The following ERMARD variants were observed in gnomAD, a reference collection of about 807,000 sequenced individuals.
ERMARD encodes ER membrane associated RNA degradation.
ERMARD carries 71 observed loss-of-function variants against 83.9 expected under a neutral mutation model. That is an observed-to-expected ratio of 0.85 (90% CI 0.70 to 1.03). The LOEUF is 1.03. Among genes scored for constraint, ERMARD ranks in the 50% least tolerant of loss-of-function variants. ERMARD has a pLI of 0.00. For missense variants in ERMARD, 838 were observed against 810.9 expected, an observed-to-expected ratio of 1.03 and a Z score of -0.41; for synonymous variants, 284 against 298.6, an observed-to-expected ratio of 0.95 and a Z score of 0.50.
intron 11 of ERMARD, among the ~76,000 whole-genome samples, chr6:169,769,329 C>G (rs749051758): frequency 3.3e-5 from 5 of 152,158 alleles, no homozygotes; most frequent in Non-Finnish European, 7.4e-5. Flanking sequence ...GATGAGGCTC[C>G]AGTACCACCT....
rs1388230310 is a variant in ERMARD, at chr6:169,759,002, G to A, written c.542G>A (p.Cys181Tyr). Residue 181 changes from cysteine (C) to tyrosine (Y), a missense_variant, in exon 6 of 18, where the codon TGT (cysteine) becomes TAT (tyrosine). Cys to Tyr is a radical substitution (Grantham distance 194). Coordinates refer to ENST00000366773, the MANE Select transcript of ERMARD (RefSeq NM_018341.3). ...CTAAAAGTCTTCGTTGGCTCTCCGT[G>A]TGGTCTCAACCTGCGTAACGTCTTA... ...NVLKVFVGSP[C>Y]GLNLRNVLWH... is the part of the protein sequence containing the mutation. The A allele has an allele frequency of 6.2e-7, 1 of 1,614,032 alleles. No homozygotes were observed. Among genetic ancestry groups the A allele is most frequent in the South Asian group, 1.1e-5 (1 of 91,026 alleles).
intron 5 of ERMARD, 102 bp downstream of exon 5, chr6:169,756,910 T>TA (rs1790886871): frequency 2.8e-6 from 3 of 1,072,952 alleles, no homozygotes; most frequent in South Asian, 1.4e-5. Context: ...TAATTGGACT[T>TA]ACGGTTTCAC....
In ERMARD at chr6:169,772,503, C is replaced by T. The variant is rs148019599; in HGVS notation, c.1234-816C>T. On this transcript the variant is annotated intron_variant, in intron 12 of 17. Coordinates refer to ENST00000366773, the MANE Select transcript of ERMARD (RefSeq NM_018341.3). The stretch of plus-strand genomic sequence containing the variant: ...GTAGTGGGCCAGGCACAGTGGCTCA[C>T]GCCTGTAATCCCAGCACTTTGGGAG... Among the ~76,000 whole-genome samples the T allele has an allele frequency of 5.9e-3, 897 of 152,166 alleles. 9 individuals are homozygous for T. The highest frequency in any genetic ancestry group is 0.02 in the African/African-American group (832 of 41,532).
At chr6:169,773,831 A>G (rs1316532728) in intron 13 of ERMARD, among the ~76,000 whole-genome samples, 3 of 152,224 alleles carry the variant, frequency 2.0e-5, no homozygotes, top group Admixed American at 2.0e-4. Context: ...TTCTGCCAGG[A>G]GGCTCCAATT....
intron 4 of ERMARD, 125 bp from the exon 5 acceptor site, chr6:169,756,594 A>G: frequency 2.1e-6 from 2 of 963,236 alleles, no homozygotes; most frequent in Non-Finnish European, 3.1e-6. Context: ...TGATTATGAA[A>G]TCAAAGGATT....
intron 12 of ERMARD, chr6:169,772,111 G>A (rs1454480055): frequency 6.6e-6 from 1 of 152,390 alleles, no homozygotes; most frequent in Non-Finnish European, 1.5e-5. Context: ...GCCCCTCCCT[G>A]GAGTGTTGCT....
Position 169,753,050 on chromosome 6 carries a change from G to A in ERMARD, c.7-814G>A, listed in dbSNP as rs530280065. 3.9e-5 allele frequency: 6 copies of A among 152,364 alleles called. No homozygotes were observed. In the East Asian group the frequency reaches 1.2e-3, roughly 29 times the overall value. 9.4% of individuals were successfully genotyped at this position (152,364 alleles called of 1,614,324 possible). A position where few individuals can be genotyped will look rare whatever the true frequency, so the allele number is the denominator to read the frequency against. On this transcript the variant is annotated intron_variant, in intron 1 of 17. Transcript: ENST00000366773. ...ATCTTCAACAAAGAACTGTAGATTT[G>A]CAGAGAAGTGACAGGACACAGGAGA...
At chr6:169,761,741 G>C (rs1791585748) in intron 8 of ERMARD, among the ~76,000 whole-genome samples, 1 of 152,036 alleles carries the variant, frequency 6.6e-6, no homozygotes, top group Non-Finnish European at 1.5e-5. Context: ...GGAGTGCAGT[G>C]GTGTGATCTC....
chr6:169,751,528 C>G (rs1047405047), upstream of ERMARD: 8 of 1,610,422 alleles, frequency 5.0e-6, no homozygotes, highest in East Asian at 1.8e-4. Flanking sequence ...TAGCCAGTCC[C>G]GCGAGGGCGG....
chr6:169,766,769 T>G, intron 10 of ERMARD, 102 bp downstream of exon 10: 1 of 1,256,242 alleles, frequency 8.0e-7, no homozygotes, highest in Non-Finnish European at 1.1e-6. Context: ...ATAAATCATA[T>G]ACTTACAGGA....
Position 169,775,260 on chromosome 6 carries a change from T to G in ERMARD, c.1318-10T>G. On this transcript the variant is annotated splice_polypyrimidine_tract_variant and intron_variant, in intron 13 of 17. Transcript: ENST00000366773. ...GAAATCTACAAAAGCAATAAAACAT[T>G]TCCTCCCAGGTGCTGAGCTGTGAGG... is the stretch of plus-strand genomic sequence containing the variant. 6.2e-7 allele frequency: 1 copy of G among 1,613,322 alleles called. No homozygotes were observed. Among genetic ancestry groups the G allele is most frequent in the Non-Finnish European group, 8.5e-7 (1 of 1,179,700 alleles).
At chr6:169,766,756 G>A (rs1332889614) in intron 10 of ERMARD, 89 bp downstream of exon 10, 2 of 1,347,002 alleles carry the variant, frequency 1.5e-6, no homozygotes, top group Non-Finnish European at 2.0e-6. Flanking sequence ...TTAAAGATCA[G>A]CCATAAATCA....
intron 5 of ERMARD, 108 bp from the exon 6 acceptor site, chr6:169,758,860 A>G: frequency 2.0e-6 from 2 of 1,004,842 alleles, no homozygotes; most frequent in Non-Finnish European, 3.0e-6. Context: ...TATACTAGCC[A>G]AAACTGTTGA....
chr6:169,760,810 CT>C, intron 8 of ERMARD, 54 bp downstream of exon 8: 3 of 1,201,326 alleles, frequency 2.5e-6, no homozygotes, highest in Non-Finnish European at 3.6e-6. Flanking sequence ...GCCATTCTTT[CT>C]TGATGCCCTT....
chr6:169,766,866 C>G, intron 10 of ERMARD, 199 bp downstream of exon 10: 1 of 468,650 alleles, frequency 2.1e-6, no homozygotes, highest in Non-Finnish European at 3.7e-6. Flanking sequence ...ATCTAGCTCC[C>G]AAAGCTATCC....
chr6:169,770,095 A>G (rs1217529407), intron 12 of ERMARD, among the ~76,000 whole-genome samples: 3 of 149,674 alleles, frequency 2.0e-5, no homozygotes, highest in African/African-American at 7.4e-5. Flanking sequence ...ATTTCAAAGT[A>G]AATAATTTAG....
Position 169,776,565 on chromosome 6 carries a change from G to A in ERMARD, c.1631G>A (p.Arg544His), listed in dbSNP as rs1309471763. 1.2e-5 allele frequency: 19 copies of A among 1,614,194 alleles called. No homozygotes were observed. Among genetic ancestry groups the A allele is most frequent in the South Asian group, 8.8e-5 (8 of 91,078 alleles). The stretch of plus-strand genomic sequence containing the variant: ...CTCCGAAGCATCAGCGAACAGTGCC[G>A]CCGTGTGTCCAGCCAGGTCACCGTT... The part of the protein sequence containing the change: ...VVLRSISEQC[R>H]RVSSQVTVAS... The change falls in exon 16 of 18, where the codon CGC becomes CAC. Residue 544 changes from arginine (R) to histidine (H), a missense_variant. By Grantham distance (29) the Arg-to-His change is conservative (BLOSUM62 0). Coordinates refer to ENST00000366773, the MANE Select transcript of ERMARD (RefSeq NM_018341.3).
chr6:169,751,327 C>G (rs754959686), upstream of ERMARD: 10 of 1,612,658 alleles, frequency 6.2e-6, no homozygotes, highest in South Asian at 6.6e-5. Flanking sequence ...CCCTAGCAGT[C>G]TCCGCACTCA....
At chr6:169,781,059 G>A (rs761077970) in intron 17 of ERMARD, among the ~76,000 whole-genome samples, 16 of 152,302 alleles carry the variant, frequency 1.1e-4, no homozygotes, top group African/African-American at 2.4e-4. Flanking sequence ...AATGACGGCC[G>A]TCATGTCTGG....
Sources: gnomAD v4.1 joint callset for allele counts (sites outside exome capture counted in the v4.1 genomes callset) on GRCh38, gnomAD v4.1.1 for gene constraint, MANE v1.5 for transcripts, NCBI Gene and HGNC (gene_info 2026-07-23, HGNC 2026-07-21) for gene names.